Variants in ARHGEF18 observed in about 807,000 individuals in gnomAD.
ARHGEF18 encodes Rho/Rac guanine nucleotide exchange factor 18, also known as rho guanine nucleotide exchange factor 18.
Under a neutral mutation model 155.7 loss-of-function variants are expected in ARHGEF18, and 93 were observed. That is an observed-to-expected ratio of 0.60 (90% CI 0.50 to 0.71). The LOEUF is 0.71. Among genes scored for constraint, ARHGEF18 ranks in the 30% least tolerant of loss-of-function variants. The probability of loss-of-function intolerance (pLI) is 0.00; values close to 1 mark genes in which losing one functional copy is unlikely to be tolerated. For missense variants in ARHGEF18, 1,593 were observed against 1,816.1 expected, an observed-to-expected ratio of 0.88 and a Z score of 2.23; for synonymous variants, 742 against 753.1, an observed-to-expected ratio of 0.99 and a Z score of 0.24.
chr19:7,352,500 A>G (rs190400363), intron 1 of ARHGEF18, among the ~76,000 whole-genome samples: 48 of 147,524 alleles, frequency 3.3e-4, no homozygotes, highest in African/African-American at 9.5e-4. Flanking sequence ...GAAAAGCATT[A>G]CATTATGTCC....
rs557746274 is a variant in ARHGEF18, at chr19:7,404,369, A to G, written c.967+21166A>G. Among the ~76,000 whole-genome samples, 18 of 151,750 alleles carry G rather than the reference A, an allele frequency of 1.2e-4. No individual in the cohort carries two copies. The South Asian group carries it at 3.6e-3, about 30-fold the overall frequency. ...GTAAATACCGACTGATCTGGATAAC[A>G]GTTGTCAAGTCACAAAAAAGAGAAA... is the stretch of plus-strand genomic sequence containing the variant. On this transcript the variant is annotated intron_variant, in intron 10 of 28. Coordinates refer to ENST00000668164, the MANE Select transcript of ARHGEF18 (RefSeq NM_001367823.1).
At chr19:7,375,937 T>C in intron 4 of ARHGEF18, 67 bp downstream of exon 4, 3 of 1,231,974 alleles carry the variant, frequency 2.4e-6, no homozygotes, top group African/African-American at 1.6e-5. Context: ...GTGCTATAGG[T>C]AGGAAGGAGA....
chr19:7,412,444 T>A (rs894294202), intron 10 of ARHGEF18, among the ~76,000 whole-genome samples: 3 of 151,816 alleles, frequency 2.0e-5, no homozygotes, highest in Non-Finnish European at 1.5e-5. Context: ...TTCGGTTTTT[T>A]AAATTATACC....
chr19:7,377,370 A>G (rs1462735035), intron 5 of ARHGEF18, among the ~76,000 whole-genome samples: 1 of 151,552 alleles, frequency 6.6e-6, no homozygotes, highest in Non-Finnish European at 1.5e-5. Context: ...CGCGCCCAGC[A>G]TTCTGACTAT....
chr19:7,379,258 G>A, intron 7 of ARHGEF18, 92 bp downstream of exon 7: 1 of 1,132,912 alleles, frequency 8.8e-7, no homozygotes, highest in South Asian at 4.4e-5. Context: ...GGAGACAGGG[G>A]TAGAGAAGAC....
chr19:7,477,098 A>G, downstream of ARHGEF18: 1 of 1,125,930 alleles, frequency 8.9e-7, no homozygotes, highest in Non-Finnish European at 1.2e-6. Flanking sequence ...GGGTTTCACC[A>G]CAGGCAGCTC....
Position 7,440,603 on chromosome 19 carries a change from T to C in ARHGEF18, c.1106+121T>C. On this transcript the variant is annotated intron_variant, in intron 11 of 28. Coordinates refer to ENST00000668164, the MANE Select transcript of ARHGEF18 (RefSeq NM_001367823.1). This position sits in a 1 kb window ranked among gnomAD's most constrained non-coding sequence, Gnocchi z 5.4. The stretch of plus-strand genomic sequence containing the variant: ...GTGTGAATCCACACGGCAGCCCCCG[T>C]GCTAAGCAGAGAAATTCCCATTAAC... 3.9e-6 allele frequency: 5 copies of C among 1,282,714 alleles called. No homozygotes were observed. The highest frequency in any genetic ancestry group is 2.5e-5 in the East Asian group (1 of 39,808). The allele number at this position is 1,282,714 out of a possible 1,614,324, so 79.5% of individuals were successfully genotyped here. A position where few individuals can be genotyped will look rare whatever the true frequency, so the allele number is the denominator to read the frequency against.
At chr19:7,404,253 G>T (rs1295063302) in intron 10 of ARHGEF18, among the ~76,000 whole-genome samples, 1 of 152,114 alleles carries the variant, frequency 6.6e-6, no homozygotes, top group Non-Finnish European at 1.5e-5. Flanking sequence ...ACCTGACCTT[G>T]TGTGTTCATT....
chr19:7,479,400 C>T, the ARHGEF18 span, among the ~76,000 whole-genome samples: 1 of 152,200 alleles, frequency 6.6e-6, no homozygotes, highest in African/African-American at 2.4e-5. Flanking sequence ...AGGAGAATCA[C>T]TTGACCCCGG....
intron 6 of ARHGEF18, among the ~76,000 whole-genome samples, chr19:7,378,754 G>A (rs1381041373): frequency 2.1e-5 from 3 of 143,116 alleles, no homozygotes; most frequent in Non-Finnish European, 4.5e-5. Flanking sequence ...GTACAGTGGC[G>A]TGATCTCAGC....
intron 9 of ARHGEF18, 25 bp downstream of exon 9, chr19:7,382,919 C>T: frequency 8.1e-7 from 1 of 1,232,308 alleles, no homozygotes. Flanking sequence ...GCCACGGGGG[C>T]CCTCCTCTGC....
At chr19:7,370,796 G>A (rs1463425007) in intron 2 of ARHGEF18, among the ~76,000 whole-genome samples, 3 of 152,132 alleles carry the variant, frequency 2.0e-5, no homozygotes, top group Non-Finnish European at 4.4e-5. Flanking sequence ...TCTTGAGGAC[G>A]TTATGCTCGG....
At chr19:7,410,212 G>A (rs1490639986) in intron 10 of ARHGEF18, among the ~76,000 whole-genome samples, 1 of 152,002 alleles carries the variant, frequency 6.6e-6, no homozygotes, top group Non-Finnish European at 1.5e-5. Context: ...CTGGCATTCT[G>A]CACACCTGTT....
intron 27 of ARHGEF18, 146 bp downstream of exon 27, chr19:7,469,277 C>A: frequency 9.4e-7 from 1 of 1,065,148 alleles, no homozygotes; most frequent in Non-Finnish European, 1.3e-6. Context: ...GTGGCTGAGG[C>A]CACCCCACAC....
intron 10 of ARHGEF18, among the ~76,000 whole-genome samples, chr19:7,396,135 G>A (rs187693126): frequency 1.8e-4 from 28 of 152,318 alleles, no homozygotes; most frequent in Non-Finnish European, 7.3e-5. Flanking sequence ...TAGCACTTGA[G>A]TGTTTTGCTG....
chr19:7,452,612 T>A (rs112428303), intron 16 of ARHGEF18, among the ~76,000 whole-genome samples: 29 of 151,992 alleles, frequency 1.9e-4, no homozygotes, highest in African/African-American at 6.5e-4. Context: ...ATTACAGGCA[T>A]GTGCCACCAC....
intron 10 of ARHGEF18, among the ~76,000 whole-genome samples, chr19:7,435,156 C>T (rs1392101658): frequency 6.6e-6 from 1 of 151,860 alleles, no homozygotes; most frequent in South Asian, 2.1e-4. Context: ...CCGAGATCAC[C>T]CTCACTGTTT....
chr19:7,364,545 G>A (rs1198086135), intron 2 of ARHGEF18, among the ~76,000 whole-genome samples: 1 of 152,124 alleles, frequency 6.6e-6, no homozygotes, highest in Non-Finnish European at 1.5e-5. Flanking sequence ...CTTTCTCTAA[G>A]CGCTTATGTC....
chr19:7,476,433 G>A (rs1977229573), downstream of ARHGEF18, among the ~76,000 whole-genome samples: 2 of 152,252 alleles, frequency 1.3e-5, no homozygotes, highest in South Asian at 4.1e-4. Flanking sequence ...CATGTGCACA[G>A]ACTCTGAAGG....
Sources: gnomAD v4.1 joint callset for allele counts (sites outside exome capture counted in the v4.1 genomes callset) on GRCh38, gnomAD v4.1.1 for gene constraint, Gnocchi (gnomAD v3.1) non-coding constraint, MANE v1.5 for transcripts, NCBI Gene and HGNC (gene_info 2026-07-23, HGNC 2026-07-21) for gene names.